The following PKHD1 variants were observed in gnomAD, a reference collection of about 807,000 sequenced individuals.
The protein encoded by PKHD1 is PKHD1 ciliary IPT domain containing fibrocystin/polyductin.
PKHD1 carries 291 observed loss-of-function variants against 412.0 expected under a neutral mutation model. The ratio of observed to expected loss-of-function variants is 0.71; its 90% CI spans 0.64 to 0.78. The LOEUF is 0.78. PKHD1 is among the 30% of genes least tolerant of loss of function. The probability of loss-of-function intolerance (pLI) is 0.00; values close to 1 mark genes in which losing one functional copy is unlikely to be tolerated. For synonymous variants in PKHD1, 1,777 were observed against 1,821.5 expected (o/e 0.98, Z 0.62); for missense variants, 4,825 against 4,950.7 (o/e 0.97, Z 0.76).
At chr6:51,971,513 A>G (rs1196616977) in intron 35 of PKHD1, among the ~76,000 whole-genome samples, 1 of 152,158 alleles carries the variant, frequency 6.6e-6, no homozygotes, top group African/African-American at 2.4e-5. Context: ...CCTGATGCAG[A>G]CCTTTCTTTT....
At chr6:52,070,272 G>A (rs1197615338) in intron 10 of PKHD1, 134 bp downstream of exon 10, 2 of 683,836 alleles carry the variant, frequency 2.9e-6, no homozygotes, top group African/African-American at 3.6e-5. Context: ...GTTATATGTG[G>A]TCTCATTATA....
rs530794081 is a variant in PKHD1 at position 51,729,694 on chromosome 6, AT to A, written c.10156+14690del. Among the ~76,000 whole-genome samples, 148 of 152,296 alleles carry A rather than the reference AT, an allele frequency of 9.7e-4. 1 individual carries two copies. The highest frequency in any genetic ancestry group is 3.4e-3 in the African/African-American group (142 of 41,564). ...CGAAGTTTGAGAACTCTTTCTCCAC[AT>A]TTTCCCCAACACTGCAAATTATCAC... On this transcript the variant is annotated intron_variant, in intron 60 of 66. Transcript: ENST00000371117.
chr6:51,803,632 A>G (rs1370605531), intron 52 of PKHD1, among the ~76,000 whole-genome samples: 1 of 151,640 alleles, frequency 6.6e-6, no homozygotes, highest in East Asian at 1.9e-4. Context: ...AAATACTACC[A>G]AGTGCTTTGT....
intron 52 of PKHD1, among the ~76,000 whole-genome samples, chr6:51,817,034 G>A (rs1765570487): frequency 6.6e-6 from 1 of 151,814 alleles, no homozygotes; most frequent in Admixed American, 6.6e-5. Context: ...GATAGATACA[G>A]GACGTTTTAT....
chr6:51,992,161 C>A (rs1034126534), intron 35 of PKHD1, among the ~76,000 whole-genome samples: 2 of 152,126 alleles, frequency 1.3e-5, no homozygotes, highest in African/African-American at 4.8e-5. Context: ...ATTAAATGGG[C>A]AGTTCAAGTA....
chr6:51,839,683 A>G (rs1205434688), intron 50 of PKHD1, among the ~76,000 whole-genome samples: 1 of 152,190 alleles, frequency 6.6e-6, no homozygotes, highest in African/African-American at 2.4e-5. Flanking sequence ...TTGAAATTTT[A>G]GAGGGAGAAA....
intron 51 of PKHD1, among the ~76,000 whole-genome samples, chr6:51,835,428 T>C (rs891596918): frequency 2.6e-5 from 4 of 152,188 alleles, no homozygotes; most frequent in Admixed American, 6.6e-5. Flanking sequence ...TAAACAACTG[T>C]ATTAATTGAT....
chr6:51,706,547 A>G (rs1171354059), intron 60 of PKHD1, among the ~76,000 whole-genome samples: 5 of 151,692 alleles, frequency 3.3e-5, no homozygotes, highest in Non-Finnish European at 2.9e-5. Context: ...GAGGAGCAGC[A>G]GAAGGAGGAG....
At chr6:52,078,563 T>C (rs1351598721) in intron 5 of PKHD1, among the ~76,000 whole-genome samples, 1 of 152,202 alleles carries the variant, frequency 6.6e-6, no homozygotes, top group African/African-American at 2.4e-5. Context: ...CCGTGTTTTA[T>C]TTAGCCTGGA....
At chr6:51,934,386 A>G (rs1787147027) in intron 36 of PKHD1, 64 bp from the exon 37 acceptor site, 4 of 977,758 alleles carry the variant, frequency 4.1e-6, no homozygotes, top group Non-Finnish European at 5.0e-6. Context: ...TGTCAGTTTC[A>G]ATGCCTGATG....
At chr6:51,635,826 G>C (rs1768463567) in intron 64 of PKHD1, among the ~76,000 whole-genome samples, 1 of 129,310 alleles carries the variant, frequency 7.7e-6, no homozygotes, top group Non-Finnish European at 1.6e-5. Flanking sequence ...CACAGGTAGA[G>C]TTTCTCTGGC....
At chr6:51,649,499 AT>A (rs1770598810) in intron 61 of PKHD1, among the ~76,000 whole-genome samples, 1 of 152,192 alleles carries the variant, frequency 6.6e-6, no homozygotes, top group Non-Finnish European at 1.5e-5. Flanking sequence ...CAGCCAAAAA[AT>A]AAAAGCCTCA....
intron 35 of PKHD1, among the ~76,000 whole-genome samples, chr6:51,982,202 C>A (rs1368587942): frequency 8.8e-4 from 28 of 31,644 alleles, no homozygotes; most frequent in East Asian, 2.1e-3. Flanking sequence ...GTCAGCCCCC[C>A]GCCCGGCCAG....
At chr6:51,797,248 T>C (rs1582749743) in intron 52 of PKHD1, among the ~76,000 whole-genome samples, 1 of 152,208 alleles carries the variant, frequency 6.6e-6, no homozygotes, top group African/African-American at 2.4e-5. Context: ...GTAAGTGCTG[T>C]GTGGTGATGA....
chr6:51,852,516 C>T (rs1047229724), intron 49 of PKHD1, among the ~76,000 whole-genome samples: 3 of 152,056 alleles, frequency 2.0e-5, no homozygotes, highest in Admixed American at 6.6e-5. Flanking sequence ...AAGTCTCCCA[C>T]TATTATTGTG....
chr6:51,769,477 T>C (rs1458976494), intron 55 of PKHD1, among the ~76,000 whole-genome samples: 1 of 151,410 alleles, frequency 6.6e-6, no homozygotes, highest in Non-Finnish European at 1.5e-5. Flanking sequence ...CTCTAAACTA[T>C]TCTGTACTTA....
At chr6:51,946,744 T>G (rs910010172) in intron 36 of PKHD1, among the ~76,000 whole-genome samples, 10 of 152,218 alleles carry the variant, frequency 6.6e-5, no homozygotes, top group African/African-American at 2.4e-4. Flanking sequence ...GTTACTTCCC[T>G]CTAAAATAAA....
chr6:51,894,491 G>A (rs77077432), intron 43 of PKHD1, among the ~76,000 whole-genome samples: 1 of 152,220 alleles, frequency 6.6e-6, no homozygotes, highest in Non-Finnish European at 1.5e-5. Flanking sequence ...CATCATGCCA[G>A]GTTGAATGTA....
chr6:51,805,953 G>A (rs916371022), intron 52 of PKHD1, among the ~76,000 whole-genome samples: 1 of 151,870 alleles, frequency 6.6e-6, no homozygotes, highest in African/African-American at 2.4e-5. Context: ...AAACATACGT[G>A]TGCATGTGTC....
Sources: gnomAD v4.1 joint callset for allele counts (sites outside exome capture counted in the v4.1 genomes callset) on GRCh38, gnomAD v4.1.1 for gene constraint, MANE v1.5 for transcripts, NCBI Gene and HGNC (gene_info 2026-07-23, HGNC 2026-07-21) for gene names.